GABRB1: variants seen among roughly 807,000 people sequenced by gnomAD.
GABRB1 encodes gamma-aminobutyric acid receptor subunit beta-1.
A neutral mutation model predicts 51.6 loss-of-function variants in GABRB1; 17 were observed. The observed-to-expected ratio is 0.33, with a 90% CI of 0.23 to 0.49. GABRB1 has a LOEUF of 0.49. Among genes scored for constraint, GABRB1 ranks in the 20% least tolerant of loss-of-function variants. The pLI, the probability that GABRB1 is intolerant of heterozygous loss-of-function variation, is 0.99. For synonymous variants in GABRB1, 247 were observed against 218.9 expected, an observed-to-expected ratio of 1.13 and a Z score of -1.14; for missense variants, 410 against 600.6, an observed-to-expected ratio of 0.68 and a Z score of 3.32.
intron 7 of GABRB1, 150 bp from the exon 8 acceptor site, chr4:47,406,532 A>G (rs1728573433): frequency 1.2e-6 from 1 of 831,098 alleles, no homozygotes; most frequent in East Asian, 2.4e-5. Flanking sequence ...CTTTCAAAAT[A>G]TCTGCCCTTT....
At chr4:47,059,929 C>T (rs577314278) in intron 3 of GABRB1, among the ~76,000 whole-genome samples, 1 of 152,150 alleles carries the variant, frequency 6.6e-6, no homozygotes, top group South Asian at 2.1e-4. Context: ...GGACTTAGAA[C>T]CTTACAGTCC....
intron 4 of GABRB1, among the ~76,000 whole-genome samples, chr4:47,283,086 A>C (rs141047268): frequency 6.6e-6 from 1 of 152,282 alleles, no homozygotes; most frequent in East Asian, 1.9e-4. Context: ...TCATTTGTTT[A>C]CATGTCTGTC....
At chr4:47,219,942 C>T (rs1720706532) in intron 4 of GABRB1, among the ~76,000 whole-genome samples, 1 of 151,786 alleles carries the variant, frequency 6.6e-6, no homozygotes, top group Non-Finnish European at 1.5e-5. Context: ...TCACATTCAG[C>T]CATTTTAGTA....
intron 3 of GABRB1, among the ~76,000 whole-genome samples, chr4:47,044,919 G>A (rs572883160): frequency 1.1e-4 from 16 of 151,974 alleles, no homozygotes; most frequent in South Asian, 2.1e-4. Context: ...GCAGAACCAC[G>A]TTACCACTCA....
intron 5 of GABRB1, among the ~76,000 whole-genome samples, chr4:47,349,052 C>T (rs969988187): frequency 2.6e-5 from 4 of 152,014 alleles, no homozygotes; most frequent in Admixed American, 1.3e-4. Flanking sequence ...AGGAGAATAC[C>T]GGGAATGTTT....
intron 4 of GABRB1, among the ~76,000 whole-genome samples, chr4:47,194,784 T>C (rs1719579998): frequency 6.6e-6 from 1 of 152,218 alleles, no homozygotes; most frequent in Admixed American, 6.5e-5. Flanking sequence ...ACTTGAGCCA[T>C]GTTTCTTAAA....
At chr4:47,401,788 T>G (rs943061132) in intron 5 of GABRB1, among the ~76,000 whole-genome samples, 2 of 152,166 alleles carry the variant, frequency 1.3e-5, no homozygotes, top group African/African-American at 4.8e-5. Flanking sequence ...CTCCTGAAAT[T>G]GCCATCAAAT....
At chr4:47,210,512 G>T (rs2109809315) in intron 4 of GABRB1, among the ~76,000 whole-genome samples, 2 of 152,168 alleles carry the variant, frequency 1.3e-5, no homozygotes, top group African/African-American at 4.8e-5. Context: ...TTACATCGTG[G>T]CATTTCCCCT....
Position 47,405,160 on chromosome 4 carries a change from CA to C in GABRB1, c.835+1452del, listed in dbSNP as rs1385020116. Among the ~76,000 whole-genome samples, 5 of 152,164 alleles carry C rather than the reference CA, an allele frequency of 3.3e-5. No individual in the cohort carries two copies. The South Asian group carries it at 1.0e-3, about 32-fold the overall frequency. ...ATCAGGTGAAATTTAAAGGTTTTTT[CA>C]AAGAAATAAGAAAGACCACTCATTA... is the stretch of plus-strand genomic sequence containing the variant. On this transcript the variant is annotated intron_variant, in intron 7 of 8. Coordinates refer to ENST00000295454, the MANE Select transcript of GABRB1 (RefSeq NM_000812.4).
At chr4:47,360,353 T>A (rs992741637) in intron 5 of GABRB1, among the ~76,000 whole-genome samples, 1 of 151,920 alleles carries the variant, frequency 6.6e-6, no homozygotes, top group Non-Finnish European at 1.5e-5. Flanking sequence ...GTGCTGCAAC[T>A]CAGAGTTTTT....
At chr4:47,097,672 G>T (rs908468701) in intron 3 of GABRB1, among the ~76,000 whole-genome samples, 1 of 152,060 alleles carries the variant, frequency 6.6e-6, no homozygotes, top group East Asian at 1.9e-4. Context: ...CACATAGTAG[G>T]TGCTTAATAC....
chr4:47,189,572 T>C (rs1719342398), intron 4 of GABRB1, among the ~76,000 whole-genome samples: 2 of 151,914 alleles, frequency 1.3e-5, no homozygotes, highest in Non-Finnish European at 2.9e-5. Flanking sequence ...GGATAGTTTC[T>C]TATATTCTAT....
intron 4 of GABRB1, among the ~76,000 whole-genome samples, chr4:47,268,640 A>T (rs1040270865): frequency 6.6e-6 from 1 of 152,190 alleles, no homozygotes; most frequent in African/African-American, 2.4e-5. Flanking sequence ...ATCCACTAAA[A>T]GTGCTTAGTT....
At chr4:47,282,573 A>G (rs1257213514) in intron 4 of GABRB1, among the ~76,000 whole-genome samples, 1 of 152,182 alleles carries the variant, frequency 6.6e-6, no homozygotes, top group Admixed American at 6.5e-5. Context: ...TAAAAAAAAA[A>G]CAGTAATCTA....
At chr4:47,305,892 G>A (rs1377812538) in intron 4 of GABRB1, among the ~76,000 whole-genome samples, 1 of 152,080 alleles carries the variant, frequency 6.6e-6, no homozygotes, top group African/African-American at 2.4e-5. Context: ...AGTGTAAGTG[G>A]AGATATTTTG....
intron 3 of GABRB1, among the ~76,000 whole-genome samples, chr4:47,075,861 A>C (rs1727524531): frequency 1.3e-5 from 2 of 152,158 alleles, no homozygotes; most frequent in East Asian, 3.8e-4. Flanking sequence ...TTTTCAAAAA[A>C]TGCAGGAGTC....
intron 1 of GABRB1, among the ~76,000 whole-genome samples, chr4:47,024,933 C>CATATATAT (rs34532575): frequency 0.03 from 2,612 of 86,182 alleles, 390 homozygotes; most frequent in Middle Eastern, 0.07. Context: ...AGTATTCCAT[C>CATATATAT]ATATATATAT....
chr4:47,246,078 C>CT (rs1721726313), intron 4 of GABRB1, among the ~76,000 whole-genome samples: 1 of 149,148 alleles, frequency 6.7e-6, no homozygotes, highest in Non-Finnish European at 1.5e-5. Flanking sequence ...TCATTCTCCC[C>CT]CCCCAAGTCC....
chr4:47,110,445 C>T (rs1304412284), intron 3 of GABRB1, among the ~76,000 whole-genome samples: 1 of 152,108 alleles, frequency 6.6e-6, no homozygotes, highest in Non-Finnish European at 1.5e-5. Context: ...CACAAGCCAT[C>T]AGAATATATC....
Sources: gnomAD v4.1 joint callset for allele counts (sites outside exome capture counted in the v4.1 genomes callset) on GRCh38, gnomAD v4.1.1 for gene constraint, MANE v1.5 for transcripts, NCBI Gene and HGNC (gene_info 2026-07-23, HGNC 2026-07-21) for gene names.